CFAP299: variants seen among roughly 807,000 people sequenced by gnomAD.
CFAP299 encodes the protein cilia and flagella associated protein 299.
Under a neutral mutation model 27.0 loss-of-function variants are expected in CFAP299, and 21 were observed. The observed-to-expected ratio is 0.78, with a 90% CI of 0.55 to 1.12. The LOEUF is 1.12. CFAP299 is among the 50% of genes most tolerant of loss of function. The pLI is 0.00. For missense variants in CFAP299, 310 were observed against 276.6 expected, an observed-to-expected ratio of 1.12 and a Z score of -0.86; for synonymous variants, 104 against 98.1, an observed-to-expected ratio of 1.06 and a Z score of -0.36.
chr4:80,940,636 C>G (rs942531390), intron 4 of CFAP299, among the ~76,000 whole-genome samples: 2 of 152,138 alleles, frequency 1.3e-5, no homozygotes, highest in East Asian at 3.9e-4. Context: ...ATTCCATTAT[C>G]TTGCTGATGT....
chr4:80,520,619 G>A (rs1732860472), intron 2 of CFAP299, among the ~76,000 whole-genome samples: 1 of 152,196 alleles, frequency 6.6e-6, no homozygotes, highest in African/African-American at 2.4e-5. Flanking sequence ...ATTGAGGCAA[G>A]TCTTGCCTGT....
At chr4:80,600,814 TAAGTTAAATTTTA>T (rs1389227840) in intron 3 of CFAP299, among the ~76,000 whole-genome samples, 1 of 152,152 alleles carries the variant, frequency 6.6e-6, no homozygotes, top group East Asian at 1.9e-4. Context: ...TAGTAGGCTA[TAAGTTAAATTTTA>T]AATTCATAGT....
At chr4:80,494,334 A>G (rs572619603) in intron 2 of CFAP299, among the ~76,000 whole-genome samples, 1 of 152,358 alleles carries the variant, frequency 6.6e-6, no homozygotes, top group East Asian at 1.9e-4. Flanking sequence ...TCACTGTCAA[A>G]GTATGTTAAC....
chr4:80,656,158 C>T (rs1740544293), intron 3 of CFAP299, among the ~76,000 whole-genome samples: 2 of 152,030 alleles, frequency 1.3e-5, no homozygotes, highest in East Asian at 3.9e-4. Flanking sequence ...TGATACAAAT[C>T]AAATTATTGT....
rs1358524699 is a variant in CFAP299, at chr4:80,485,816, C to T, written c.243-97277C>T. 3.3e-5 allele frequency among the ~76,000 whole-genome samples: 5 copies of T among 152,098 alleles called. No individual in the cohort carries two copies. The East Asian group carries it at 9.7e-4, about 29-fold the overall frequency. On this transcript the variant is annotated intron_variant, in intron 2 of 5. Coordinates refer to ENST00000358105, the MANE Select transcript of CFAP299 (RefSeq NM_152770.3). ...TGCATTTTCACATACGTAGTAAAGG[C>T]CCTTTTAATTTCATTCTTCATAATG...
intron 2 of CFAP299, among the ~76,000 whole-genome samples, chr4:80,577,727 A>T (rs1735945459): frequency 6.6e-6 from 1 of 152,144 alleles, no homozygotes; most frequent in Non-Finnish European, 1.5e-5. Flanking sequence ...GATTAATCAA[A>T]CTTTGTTTGT....
intron 2 of CFAP299, among the ~76,000 whole-genome samples, chr4:80,417,559 T>C (rs1459778475): frequency 6.6e-6 from 1 of 152,168 alleles, no homozygotes; most frequent in East Asian, 1.9e-4. Context: ...GTTTCCATTT[T>C]GATGATAATA....
At chr4:80,515,698 A>G (rs1195243877) in intron 2 of CFAP299, among the ~76,000 whole-genome samples, 6 of 152,208 alleles carry the variant, frequency 3.9e-5, no homozygotes, top group Admixed American at 3.9e-4. Flanking sequence ...ATGGAATTAT[A>G]GAACCCAATA....
chr4:80,838,472 C>T (rs1024607821), intron 3 of CFAP299, among the ~76,000 whole-genome samples: 1 of 152,122 alleles, frequency 6.6e-6, no homozygotes, highest in Non-Finnish European at 1.5e-5. Flanking sequence ...TTTAAGTTTT[C>T]TGCATATGGC....
At chr4:80,698,854 C>T (rs546996558) in intron 3 of CFAP299, among the ~76,000 whole-genome samples, 1 of 152,256 alleles carries the variant, frequency 6.6e-6, no homozygotes, top group African/African-American at 2.4e-5. Flanking sequence ...ATCATGAGAA[C>T]AGCATGGGGA....
chr4:80,901,246 G>A (rs547809579), intron 4 of CFAP299, among the ~76,000 whole-genome samples: 3 of 152,248 alleles, frequency 2.0e-5, no homozygotes, highest in African/African-American at 4.8e-5. Flanking sequence ...TGTAGCATAT[G>A]ACTAGAACAC....
intron 3 of CFAP299, among the ~76,000 whole-genome samples, chr4:80,717,183 G>C (rs1341421701): frequency 2.0e-5 from 3 of 152,064 alleles, no homozygotes; most frequent in African/African-American, 7.2e-5. Flanking sequence ...AAAAAAATGT[G>C]ATGAATACTA....
chr4:80,606,379 A>G (rs1028304488), intron 3 of CFAP299, among the ~76,000 whole-genome samples: 4 of 152,120 alleles, frequency 2.6e-5, no homozygotes, highest in African/African-American at 9.7e-5. Context: ...TACTAAAAAT[A>G]TAAAAAATTA....
chr4:80,800,675 TATATG>T (rs1270878017), intron 3 of CFAP299, among the ~76,000 whole-genome samples: 1 of 113,162 alleles, frequency 8.8e-6, no homozygotes, highest in East Asian at 2.2e-4. Flanking sequence ...TTAATATAAA[TATATG>T]ATATATTATA....
intron 2 of CFAP299, among the ~76,000 whole-genome samples, chr4:80,503,170 A>T (rs999961124): frequency 1.3e-5 from 2 of 152,128 alleles, no homozygotes; most frequent in African/African-American, 4.8e-5. Context: ...TCTAAAAATA[A>T]ACTTAAAACA....
At chr4:80,820,893 A>G (rs1015108937) in intron 3 of CFAP299, among the ~76,000 whole-genome samples, 1 of 152,202 alleles carries the variant, frequency 6.6e-6, no homozygotes, top group Non-Finnish European at 1.5e-5. Context: ...ATAAGCTGTG[A>G]TTTTGGATAA....
intron 3 of CFAP299, among the ~76,000 whole-genome samples, chr4:80,711,491 G>A (rs77150727): frequency 8.3e-4 from 126 of 152,288 alleles, no homozygotes; most frequent in Non-Finnish European, 1.5e-3. Flanking sequence ...TCGGACCTCA[G>A]TATGGGCTGG....
intron 2 of CFAP299, among the ~76,000 whole-genome samples, chr4:80,456,983 CTTTT>C (rs34551414): frequency 7.0e-6 from 1 of 142,836 alleles, no homozygotes; most frequent in African/African-American, 2.6e-5. Flanking sequence ...ATTCCAAATG[CTTTT>C]TTTTTTTTTT....
chr4:80,467,645 A>G (rs1342341151), intron 2 of CFAP299, among the ~76,000 whole-genome samples: 1 of 152,236 alleles, frequency 6.6e-6, no homozygotes, highest in Non-Finnish European at 1.5e-5. Flanking sequence ...AATATGTAAT[A>G]TAAATTAAAT....
Sources: gnomAD v4.1 joint callset for allele counts (sites outside exome capture counted in the v4.1 genomes callset) on GRCh38, gnomAD v4.1.1 for gene constraint, MANE v1.5 for transcripts, NCBI Gene and HGNC (gene_info 2026-07-23, HGNC 2026-07-21) for gene names.